The following OR2L13 variants were observed in gnomAD, a reference collection of about 807,000 sequenced individuals.
The protein encoded by OR2L13 is olfactory receptor family 2 subfamily L member 13, also known as olfactory receptor 2L13.
A neutral mutation model predicts 15.3 loss-of-function variants in OR2L13; 14 were observed. The ratio of observed to expected loss-of-function variants is 0.91; its 90% CI spans 0.60 to 1.43. The LOEUF is 1.43. Ranked by LOEUF, OR2L13 falls within the 40% of genes most tolerant of loss-of-function variation. OR2L13 has a pLI of 0.00. For synonymous variants in OR2L13, 152 were observed against 142.9 expected, an observed-to-expected ratio of 1.06 and a Z score of -0.45; for missense variants, 367 against 387.9, an observed-to-expected ratio of 0.95 and a Z score of 0.45.
At chr1:248,085,455 G>A in the OR2L13 span, among the ~76,000 whole-genome samples, 3 of 6,418 alleles carry the variant, frequency 4.7e-4, no homozygotes, top group East Asian at 0.029. Flanking sequence ...AAAAAAATGT[G>A]TGCAGAGAAG....
chr1:248,097,454 T>A (rs1378422124), intron 1 of OR2L13: 1 of 152,160 alleles, frequency 6.6e-6, no homozygotes, highest in Admixed American at 6.5e-5. Context: ...GATCCTAAAC[T>A]CAAACTCCAA....
At chr1:248,058,055 G>A in the OR2L13 span, among the ~76,000 whole-genome samples, 1 of 152,154 alleles carries the variant, frequency 6.6e-6, no homozygotes, top group African/African-American at 2.4e-5. Flanking sequence ...AAATCTTAGA[G>A]TCAAAGCTGC....
At chr1:248,030,248 A>G in the OR2L13 span, 1 of 152,146 alleles carries the variant, frequency 6.6e-6, no homozygotes, top group African/African-American at 2.4e-5. Flanking sequence ...ACTAATTATA[A>G]TTGTATTTTT....
chr1:248,083,888 G>C, the OR2L13 span: 1 of 1,527,540 alleles, frequency 6.5e-7, no homozygotes, highest in Non-Finnish European at 8.9e-7. Flanking sequence ...AGCAGGTGGC[G>C]AAGGCCTTCT....
the OR2L13 span, among the ~76,000 whole-genome samples, chr1:248,074,586 T>C: frequency 1.3e-5 from 2 of 152,036 alleles, no homozygotes; most frequent in South Asian, 2.1e-4. Flanking sequence ...GAACACTAAA[T>C]AGTGAATGTC....
chr1:248,072,703 G>A, the OR2L13 span, among the ~76,000 whole-genome samples: 1 of 151,720 alleles, frequency 6.6e-6, no homozygotes, highest in Non-Finnish European at 1.5e-5. Flanking sequence ...CTACAAAATG[G>A]GATAAAATTT....
At chr1:247,964,981 A>G in the OR2L13 span, among the ~76,000 whole-genome samples, 1 of 149,874 alleles carries the variant, frequency 6.7e-6, no homozygotes, top group East Asian at 1.9e-4. Context: ...AACTATGAGT[A>G]TATATAATTC....
At chr1:248,079,289 C>T in the OR2L13 span, among the ~76,000 whole-genome samples, 3 of 151,812 alleles carry the variant, frequency 2.0e-5, no homozygotes, top group African/African-American at 7.3e-5. Context: ...TCCTAAAATT[C>T]AACACACAAA....
At chr1:247,974,889 T>C in the OR2L13 span, 3 of 247,026 alleles carry the variant, frequency 1.2e-5, no homozygotes, top group South Asian at 1.4e-4. Context: ...TCTCATCTTC[T>C]TGGACACTCA....
upstream of OR2L13, chr1:248,095,378 A>G (rs1487184959): frequency 6.6e-6 from 1 of 152,112 alleles, no homozygotes; most frequent in African/African-American, 2.4e-5. Flanking sequence ...TGGGAGCTGT[A>G]AGGAATGAAT....
the OR2L13 span, among the ~76,000 whole-genome samples, chr1:247,998,821 A>G: frequency 6.6e-6 from 1 of 152,054 alleles, no homozygotes; most frequent in Admixed American, 6.6e-5. Flanking sequence ...CAATGTATTA[A>G]TTTTTTCTTT....
chr1:247,979,364 A>C, the OR2L13 span, among the ~76,000 whole-genome samples: 1 of 151,582 alleles, frequency 6.6e-6, no homozygotes, highest in Non-Finnish European at 1.5e-5. Flanking sequence ...CCCTGTGTTC[A>C]TGTGTTCTCA....
At chr1:248,017,438 G>C in the OR2L13 span, among the ~76,000 whole-genome samples, 2 of 152,168 alleles carry the variant, frequency 1.3e-5, no homozygotes, top group African/African-American at 4.8e-5. Context: ...TGGTGTTCAA[G>C]AGATATCGTA....
the OR2L13 span, chr1:248,013,558 A>G: frequency 6.6e-6 from 1 of 152,130 alleles, no homozygotes; most frequent in Admixed American, 6.5e-5. Context: ...CATGGTTTCT[A>G]TGGAATCCGC....
the OR2L13 span, chr1:248,024,093 C>CGTGCAGGTTTGTTACACAGGT: frequency 6.6e-6 from 1 of 151,846 alleles, no homozygotes. Context: ...GTGAGCAGAA[C>CGTGCAGGTTTGTTACACAGGT]GTGCAGGTTT....
chr1:247,997,656 C>CA, the OR2L13 span, among the ~76,000 whole-genome samples: 9 of 151,660 alleles, frequency 5.9e-5, 1 homozygote, highest in Non-Finnish European at 1.0e-4. Context: ...AGTTTAGAAA[C>CA]AAAAAAAACT....
chr1:248,100,324 T>A (rs4146708), exon 3 of OR2L13: 86,679 of 1,454,776 alleles, frequency 0.06, 2,844 homozygotes, highest in East Asian at 0.13. Context: ...ATCATGGCCA[T>A]CCCCACTCCC....
chr1:248,055,257 G>T, the OR2L13 span, among the ~76,000 whole-genome samples: 5 of 152,168 alleles, frequency 3.3e-5, no homozygotes, highest in African/African-American at 1.2e-4. Flanking sequence ...ATTTGTGTAT[G>T]TACAACCAGC....
At chr1:248,001,155 T>C in the OR2L13 span, among the ~76,000 whole-genome samples, 1 of 152,162 alleles carries the variant, frequency 6.6e-6, no homozygotes, top group Non-Finnish European at 1.5e-5. Context: ...AGAAGTTTAC[T>C]GAAAATCTCT....
Sources: allele counts gnomAD v4.1 joint callset (sites outside exome capture counted in the v4.1 genomes callset), GRCh38; gene constraint gnomAD v4.1.1; transcripts MANE v1.5; gene names NCBI Gene and HGNC (gene_info 2026-07-23, HGNC 2026-07-21).